The following MANBA variants were observed in gnomAD, a reference collection of about 807,000 sequenced individuals.
The protein encoded by MANBA is beta-mannosidase.
MANBA carries 83 observed loss-of-function variants against 111.1 expected under a neutral mutation model. The observed-to-expected ratio is 0.75, with a 90% confidence interval of 0.63 to 0.90. MANBA has a LOEUF of 0.90. Ranked by LOEUF, MANBA falls within the 40% of genes least tolerant of loss-of-function variation. MANBA has a pLI of 0.00. For synonymous variants in MANBA, 370 were observed against 378.7 expected (o/e 0.98, Z 0.27); for missense variants, 1,036 against 1,069.0 (o/e 0.97, Z 0.43).
At chr4:102,732,697 T>A (rs1723073434) in intron 1 of MANBA, among the ~76,000 whole-genome samples, 1 of 152,236 alleles carries the variant, frequency 6.6e-6, no homozygotes, top group Non-Finnish European at 1.5e-5. Context: ...TTAAATGCCG[T>A]GTGCCAAGCC....
At chr4:102,691,102 T>C (rs1490588761) in intron 5 of MANBA, 1 of 152,186 alleles carries the variant, frequency 6.6e-6, no homozygotes, top group African/African-American at 2.4e-5. Context: ...ATAATACACA[T>C]TTGTTCCTTT....
intron 8 of MANBA, chr4:102,672,208 G>C (rs1436780179): frequency 1.0e-5 from 4 of 397,188 alleles, no homozygotes; most frequent in Non-Finnish European, 1.3e-5. Context: ...AAAAAATCAG[G>C]GTTTAGTTAC....
At chr4:102,758,345 GATAA>G (rs1365012232) in intron 1 of MANBA, among the ~76,000 whole-genome samples, 4 of 152,106 alleles carry the variant, frequency 2.6e-5, no homozygotes, top group Admixed American at 6.6e-5. Flanking sequence ...TAGGTGAATA[GATAA>G]ATAAATGAAT....
chr4:102,723,884 G>A lies in MANBA; in HGVS notation c.356C>T (p.Thr119Ile), dbSNP rs770112999. Residue 119 changes from threonine to isoleucine, a missense_variant, in exon 3 of 17, where the codon ACA (threonine) becomes ATA (isoleucine). Transcript: ENST00000647097. ...ILFNEVTIGE[T>I]DNMFNRYSFD... ...TACATATCTATTGAACATATTGTCT[G>A]TTTCCCCAATAGTGACTTCATTGAA... 1 of 1,596,770 alleles carries A rather than the reference G, an allele frequency of 6.3e-7. No individual in the cohort carries two copies. The highest frequency in any genetic ancestry group is 1.1e-5 in the South Asian group (1 of 90,538).
At chr4:102,636,226 G>A (rs1729628710) in intron 14 of MANBA, among the ~76,000 whole-genome samples, 1 of 152,122 alleles carries the variant, frequency 6.6e-6, no homozygotes, top group Non-Finnish European at 1.5e-5. Context: ...AACGAACCAG[G>A]GCAGGCATTA....
chr4:102,707,060 C>G (rs1733328809), intron 5 of MANBA, among the ~76,000 whole-genome samples: 1 of 152,064 alleles, frequency 6.6e-6, no homozygotes. Context: ...GATTTAATAT[C>G]TAGATAAAAA....
intron 7 of MANBA, among the ~76,000 whole-genome samples, chr4:102,676,285 A>C (rs1203513499): frequency 6.6e-6 from 1 of 152,348 alleles, no homozygotes; most frequent in East Asian, 1.9e-4. Flanking sequence ...TATGAAGAAA[A>C]GAGAATTGAA....
At chr4:102,652,414 T>C (rs949115628) in intron 12 of MANBA, among the ~76,000 whole-genome samples, 6 of 152,178 alleles carry the variant, frequency 3.9e-5, no homozygotes, top group African/African-American at 1.4e-4. Context: ...TATCCCATAA[T>C]CAGTAAACCT....
At chr4:102,702,080 A>C (rs1477606830) in intron 5 of MANBA, among the ~76,000 whole-genome samples, 7 of 151,514 alleles carry the variant, frequency 4.6e-5, no homozygotes, top group Non-Finnish European at 8.8e-5. Context: ...TTTTTCTCTA[A>C]ACTTCCCTTC....
intron 1 of MANBA, chr4:102,727,198 T>C: frequency 2.6e-6 from 1 of 380,914 alleles, no homozygotes; most frequent in Non-Finnish European, 5.0e-6. Flanking sequence ...GGTTCTCCTG[T>C]GTGGGCACTT....
chr4:102,728,804 T>C, intron 1 of MANBA: 1 of 919,422 alleles, frequency 1.1e-6, no homozygotes, highest in East Asian at 2.6e-5. Flanking sequence ...GGTCTCGATC[T>C]TCTTCACAAC....
At position 102,650,698 on chromosome 4, in the gene MANBA, A is replaced by G; in HGVS notation, c.1708T>C (p.Ser570Pro). Residue 570 changes from serine to proline, a missense_variant, in exon 13 of 17, where the codon TCG becomes CCG. Coordinates refer to ENST00000647097, the MANE Select transcript of MANBA (RefSeq NM_005908.4). Reference sequence around the variant, plus strand: ...TTGAAAGACCAGTCCTCTGTAGACGAGACCTTTCAAATAAAGAATAAGAAT... The same window carrying G: ...TTGAAAGACCAGTCCTCTGTAGACGGGACCTTTCAAATAAAGAATAAGAAT... The part of the protein sequence containing the change: ...WPSFSTLEKV[S>P]STEDWSFNSK... 1.9e-6 allele frequency: 3 copies of G among 1,611,286 alleles called. No homozygotes were observed. Among genetic ancestry groups the G allele is most frequent in the Non-Finnish European group, 2.5e-6 (3 of 1,177,562 alleles).
intron 5 of MANBA, among the ~76,000 whole-genome samples, chr4:102,695,408 C>G (rs1245669481): frequency 6.6e-6 from 1 of 152,162 alleles, no homozygotes; most frequent in Non-Finnish European, 1.5e-5. Context: ...TACTCCCAAA[C>G]TATACACTGA....
intron 1 of MANBA, chr4:102,730,109 G>T: frequency 8.8e-7 from 1 of 1,138,480 alleles, no homozygotes; most frequent in Non-Finnish European, 1.2e-6. Context: ...AGGAGTGGCT[G>T]CTGAAGGCCC....
At chr4:102,739,811 C>A (rs1723339440) in intron 1 of MANBA, among the ~76,000 whole-genome samples, 1 of 152,202 alleles carries the variant, frequency 6.6e-6, no homozygotes, top group Non-Finnish European at 1.5e-5. Context: ...TAAAAGTCAT[C>A]TGCAACAGAT....
intron 13 of MANBA, among the ~76,000 whole-genome samples, chr4:102,642,485 T>C (rs1232276366): frequency 6.6e-6 from 1 of 152,080 alleles, no homozygotes; most frequent in Admixed American, 6.5e-5. Context: ...CACATGCCTG[T>C]AGTCCCAGCT....
chr4:102,737,088 C>A (rs1015007835), intron 1 of MANBA, among the ~76,000 whole-genome samples: 9 of 152,118 alleles, frequency 5.9e-5, no homozygotes, highest in African/African-American at 2.2e-4. Flanking sequence ...GGAAGCCATT[C>A]CTGGCCTATC....
intron 4 of MANBA, among the ~76,000 whole-genome samples, chr4:102,716,756 A>C (rs941098285): frequency 6.6e-6 from 1 of 152,236 alleles, no homozygotes; most frequent in African/African-American, 2.4e-5. Context: ...ATGGGGGGAA[A>C]AAAAGTAACA....
intron 5 of MANBA, among the ~76,000 whole-genome samples, chr4:102,693,785 C>T (rs1578908754): frequency 6.6e-6 from 1 of 152,198 alleles, no homozygotes; most frequent in South Asian, 2.1e-4. Context: ...CTAATCCCTG[C>T]CCTAGAATAT....
Sources: allele counts gnomAD v4.1 joint callset (sites outside exome capture counted in the v4.1 genomes callset), GRCh38; gene constraint gnomAD v4.1.1; transcripts MANE v1.5; gene names NCBI Gene and HGNC (gene_info 2026-07-23, HGNC 2026-07-21).